The following ARRDC2 variants were observed in gnomAD, a reference collection of about 807,000 sequenced individuals.
The protein encoded by ARRDC2 is arrestin domain containing 2.
Under a neutral mutation model 38.9 loss-of-function variants are expected in ARRDC2, and 39 were observed. The observed-to-expected ratio is 1.00, with a 90% CI of 0.78 to 1.31. The LOEUF (loss-of-function observed/expected upper bound fraction) is 1.31. Among genes scored for constraint, ARRDC2 ranks in the 50% most tolerant of loss-of-function variants. The probability of loss-of-function intolerance (pLI) is 0.00; values close to 1 mark genes in which losing one functional copy is unlikely to be tolerated. For synonymous variants in ARRDC2, 300 were observed against 261.9 expected (o/e 1.15, Z -1.41); for missense variants, 553 against 588.4 (o/e 0.94, Z 0.62).
At chr19:18,012,480 A>G (rs2033433687) in intron 7 of ARRDC2, among the ~76,000 whole-genome samples, 1 of 151,966 alleles carries the variant, frequency 6.6e-6, no homozygotes, top group Admixed American at 6.6e-5. Flanking sequence ...CCAGCTACTC[A>G]CGAGGCTGAG....
Position 18,008,884 on chromosome 19 carries a change from G to A in ARRDC2, c.342-87G>A, listed in dbSNP as rs557279508. The A allele has an allele frequency of 1.8e-5, 28 of 1,596,786 alleles. No homozygotes were observed. The South Asian group carries it at 2.9e-4, about 16-fold the overall frequency. On this transcript the variant is annotated intron_variant, in intron 2 of 7. Coordinates refer to ENST00000222250, the MANE Select transcript of ARRDC2 (RefSeq NM_015683.2). ...CTCTGAGCCCCAAGACTCTCCCCCT[G>A]GGAGGCCCCCGGAGTGTCTGTGTCT...
chr19:18,011,498 T>C (rs948763934), intron 7 of ARRDC2, among the ~76,000 whole-genome samples: 3 of 152,170 alleles, frequency 2.0e-5, no homozygotes, highest in African/African-American at 7.2e-5. Flanking sequence ...TTAGCTGGTT[T>C]GGAATCTGCA....
chr19:18,008,116 A>AGCC, upstream of ARRDC2: 143 of 522,474 alleles, frequency 2.7e-4, no homozygotes, highest in Non-Finnish European at 3.9e-4. Context: ...AGAGACGGTG[A>AGCC]CCCCACCCCC....
intron 3 of ARRDC2, 29 bp from the exon 4 acceptor site, chr19:18,009,562 CA>C: frequency 6.4e-7 from 1 of 1,551,044 alleles, no homozygotes; most frequent in Non-Finnish European, 8.8e-7. Context: ...CAAAGTGACT[CA>C]TCCATGTCAC....
chr19:18,012,824 G>A (rs947493973), intron 7 of ARRDC2, 89 bp from the exon 8 acceptor site: 17 of 1,380,242 alleles, frequency 1.2e-5, no homozygotes, highest in South Asian at 3.7e-5. Context: ...GGTCAAGGGC[G>A]GGAGTTGGGA....
At chr19:18,009,446 C>G (rs2033357390) in intron 3 of ARRDC2, 146 bp from the exon 4 acceptor site, 1 of 729,696 alleles carries the variant, frequency 1.4e-6, no homozygotes, top group South Asian at 1.8e-5. Context: ...GTTCCTGGCT[C>G]TATTTAACGG....
Position 18,008,498 on chromosome 19 carries a change from G to A in ARRDC2, c.188G>A (p.Arg63His). Residue 63 changes from arginine (R) to histidine (H), a missense_variant, in exon 1 of 8, where the codon CGC (arginine) becomes CAC (histidine). Coordinates refer to ENST00000222250, the MANE Select transcript of ARRDC2 (RefSeq NM_015683.2). ...GRAHVHWTES[R>H]SAGSSTAYTQ... The stretch of plus-strand genomic sequence containing the variant: ...GCCCACGTGCACTGGACCGAGTCGC[G>A]CAGCGCGGGCTCGAGCACGGCTTAC... The A allele has an allele frequency of 1.3e-6, 2 of 1,529,416 alleles. No homozygotes were observed. Among genetic ancestry groups the A allele is most frequent in the South Asian group, 2.4e-5 (2 of 84,150 alleles). The allele number at this position is 1,529,416 out of a possible 1,614,324, so 94.7% of individuals were successfully genotyped here.
At chr19:18,004,135 C>T (rs12974903), upstream of ARRDC2, among the ~76,000 whole-genome samples, 1 of 145,326 alleles carries the variant, frequency 6.9e-6, no homozygotes, top group African/African-American at 2.5e-5. Flanking sequence ...AATCCCAGTA[C>T]TTTGGGAGGC....
upstream of ARRDC2, among the ~76,000 whole-genome samples, chr19:18,006,142 A>C (rs2033272926): frequency 6.9e-6 from 1 of 143,952 alleles, no homozygotes; most frequent in African/African-American, 2.6e-5. Context: ...CACTTTCCAG[A>C]CTGGGCAGCC....
chr19:18,011,955 T>G (rs868712433), intron 7 of ARRDC2, among the ~76,000 whole-genome samples: 141 of 83,678 alleles, frequency 1.7e-3, no homozygotes, highest in African/African-American at 6.5e-3. Context: ...TATATATATT[T>G]TTTTTTTTTT....
At position 18,008,723 on chromosome 19, in the gene ARRDC2, C is replaced by T; in HGVS notation, c.287C>T (p.Thr96Ile). The change falls in exon 2 of 8, where the codon ACC becomes ATC. Residue 96 changes from threonine (T) to isoleucine (I), a missense_variant. Physicochemically the swap from Thr to Ile is moderately conservative, Grantham distance 89. Coordinates refer to ENST00000222250, the MANE Select transcript of ARRDC2 (RefSeq NM_015683.2). ...ATLLAPDTGE[T>I]TTLPPGRHEF... is the part of the protein sequence containing the mutation. Reference sequence around the variant, plus strand: ...CTCCTACCTGCAGATACCGGGGAGACCACGACGCTGCCTCCTGGGCGCCAT... The same window carrying T: ...CTCCTACCTGCAGATACCGGGGAGATCACGACGCTGCCTCCTGGGCGCCAT... The T allele has an allele frequency of 1.2e-6, 2 of 1,613,416 alleles. No individual in the cohort carries two copies. Among genetic ancestry groups the T allele is most frequent in the Non-Finnish European group, 1.7e-6 (2 of 1,179,986 alleles).
In ARRDC2 at chr19:18,010,262, C is replaced by T; in HGVS notation, c.916C>T (p.Pro306Ser). ...LELPLVIGTIPLHPFGSRSSS... is the reference protein window; with the variant it reads ...LELPLVIGTISLHPFGSRSSS... ...GCTGCCACTGGTGATCGGCACCATT[C>T]CCTTGCACCCTTTTGGCAGCCGTTC... The change falls in exon 6 of 8, where the codon CCC becomes TCC. Residue 306 changes from proline to serine, a missense_variant. Around this residue, in one of 3 missense-constraint regions of ARRDC2, gnomAD observed 447 missense variants for 456.6 expected, o/e 0.98. Transcript: ENST00000222250. 1 of 1,613,944 alleles carries T rather than the reference C, an allele frequency of 6.2e-7. No homozygotes were observed. Among genetic ancestry groups the T allele is most frequent in the African/African-American group, 1.3e-5 (1 of 75,050 alleles).
At position 18,009,713 on chromosome 19, in the gene ARRDC2, T is replaced by C; in HGVS notation, c.592+19T>C. On this transcript the variant is annotated intron_variant, in intron 4 of 7. Coordinates refer to ENST00000222250, the MANE Select transcript of ARRDC2 (RefSeq NM_015683.2). Reference sequence around the variant, plus strand: ...ACCCCAGGTAGCAGGCGGACCGGACTGGGTTGGGACGGGGGCTGGTGTTGG... The same window carrying C: ...ACCCCAGGTAGCAGGCGGACCGGACCGGGTTGGGACGGGGGCTGGTGTTGG... 1 of 1,612,150 alleles carries C rather than the reference T, an allele frequency of 6.2e-7. No individual in the cohort carries two copies. The highest frequency in any genetic ancestry group is 8.5e-7 in the Non-Finnish European group (1 of 1,179,078).
upstream of ARRDC2, chr19:18,008,130 C>CCCCCCCCCCCAAAAAAAA: frequency 3.7e-6 from 4 of 1,088,056 alleles, no homozygotes; most frequent in Non-Finnish European, 4.8e-6. Flanking sequence ...CACCCCCCCC[C>CCCCCCCCCCCAAAAAAAA]GCCCTGCCGT....
upstream of ARRDC2, chr19:18,008,116 A>ACGG: frequency 5.7e-6 from 3 of 522,500 alleles, no homozygotes; most frequent in Non-Finnish European, 8.7e-6. Flanking sequence ...AGAGACGGTG[A>ACGG]CCCCACCCCC....
intron 1 of ARRDC2, among the ~76,000 whole-genome samples, chr19:18,002,723 C>T (rs1474360533): frequency 4.6e-5 from 7 of 152,206 alleles, no homozygotes; most frequent in African/African-American, 1.7e-4. Flanking sequence ...CCAGGAGGCA[C>T]TTCCCTTCCC....
rs1347007716 is a variant in ARRDC2, at chr19:18,010,719, T to G, written c.1160T>G (p.Leu387Arg). 6.2e-7 allele frequency: 1 copy of G among 1,613,744 alleles called. No homozygotes were observed. The highest frequency in any genetic ancestry group is 1.7e-5 in the Admixed American group (1 of 60,020). ...IQEFRYRPPP[L>R]YSEEDPNPLL... ...GAGTTCCGCTACCGCCCGCCACCCC[T>G]GTACTCTGAGGTGAGCTCAGGGGTC... The change falls in exon 7 of 8, where the codon CTG becomes CGG. Residue 387 changes from leucine to arginine, a missense_variant. Coordinates refer to ENST00000222250, the MANE Select transcript of ARRDC2 (RefSeq NM_015683.2).
upstream of ARRDC2, among the ~76,000 whole-genome samples, chr19:18,006,188 G>A (rs1402661159): frequency 3.3e-5 from 5 of 151,126 alleles, no homozygotes; most frequent in Admixed American, 2.0e-4. Flanking sequence ...GACGATGGGC[G>A]GTCAGGCAGA....
chr19:18,010,047 A>G lies in ARRDC2; in HGVS notation c.849+8A>G, dbSNP rs759314791. The G allele has an allele frequency of 1.9e-6, 3 of 1,603,312 alleles. No homozygotes were observed. Among genetic ancestry groups the G allele is most frequent in the East Asian group, 2.2e-5 (1 of 44,878 alleles). On this transcript the variant is annotated splice_region_variant and intron_variant, in intron 5 of 7. Coordinates refer to ENST00000222250, the MANE Select transcript of ARRDC2 (RefSeq NM_015683.2). ...GTGGACTACGCACTCAAGGTAGGGC[A>G]TCCTGCTGGCCCTGGGGGACAGTGC...
Sources: gnomAD v4.1 joint callset for allele counts (sites outside exome capture counted in the v4.1 genomes callset) on GRCh38, gnomAD v4.1.1 for gene constraint, gnomAD v4.1.1 regional missense constraint, MANE v1.5 for transcripts, NCBI Gene and HGNC (gene_info 2026-07-23, HGNC 2026-07-21) for gene names.